Variants in ADAM32 observed in about 807,000 individuals in gnomAD.
ADAM32 encodes ADAM metallopeptidase domain 32.
A neutral mutation model predicts 114.9 loss-of-function variants in ADAM32; 89 were observed. That is an observed-to-expected ratio of 0.77 (90% confidence interval 0.65 to 0.92). The LOEUF (loss-of-function observed/expected upper bound fraction) is 0.92, where lower values mean the gene tolerates loss of function less well. Among genes scored for constraint, ADAM32 ranks in the 40% least tolerant of loss-of-function variants. The probability of loss-of-function intolerance (pLI) is 0.00; values close to 1 mark genes in which losing one functional copy is unlikely to be tolerated. For missense variants in ADAM32, 870 were observed against 932.8 expected (o/e 0.93, Z 0.88); for synonymous variants, 285 against 307.5 (o/e 0.93, Z 0.77).
At chr8:39,204,814 T>G (rs1050151496) in intron 11 of ADAM32, among the ~76,000 whole-genome samples, 3 of 152,190 alleles carry the variant, frequency 2.0e-5, no homozygotes, top group African/African-American at 7.2e-5. Flanking sequence ...TTGGTGTGAA[T>G]GTGCTTTCTG....
At chr8:39,278,610 T>C (rs531665208) in intron 22 of ADAM32, among the ~76,000 whole-genome samples, 1 of 151,980 alleles carries the variant, frequency 6.6e-6, no homozygotes, top group South Asian at 2.1e-4. Flanking sequence ...TTCTTCCAGG[T>C]TTTTACCTAC....
At chr8:39,156,137 T>A (rs1020126799) in intron 6 of ADAM32, among the ~76,000 whole-genome samples, 1 of 152,138 alleles carries the variant, frequency 6.6e-6, no homozygotes, top group African/African-American at 2.4e-5. Context: ...AACAAAAATA[T>A]AATAATAGTA....
At chr8:39,239,574 C>G (rs535753575) in intron 16 of ADAM32, among the ~76,000 whole-genome samples, 1 of 152,252 alleles carries the variant, frequency 6.6e-6, no homozygotes, top group East Asian at 1.9e-4. Context: ...TACCTCACAT[C>G]TCAATACTAA....
intron 11 of ADAM32, among the ~76,000 whole-genome samples, chr8:39,195,670 G>A (rs569975110): frequency 1.5e-4 from 21 of 141,364 alleles, no homozygotes; most frequent in Non-Finnish European, 3.1e-4. Context: ...CCCAGCACAC[G>A]TATATGTTCT....
chr8:39,124,425 T>A (rs1484302342), intron 2 of ADAM32, among the ~76,000 whole-genome samples: 1 of 151,608 alleles, frequency 6.6e-6, no homozygotes, highest in Non-Finnish European at 1.5e-5. Context: ...TTTTTTTTTT[T>A]TTTTATTTTT....
At chr8:39,227,005 G>A (rs530553667) in intron 14 of ADAM32, among the ~76,000 whole-genome samples, 15 of 152,286 alleles carry the variant, frequency 9.8e-5, no homozygotes, top group African/African-American at 2.6e-4. Context: ...TCATCATGGC[G>A]GATGGGAGGC....
chr8:39,212,360 T>C (rs539172842), intron 12 of ADAM32, among the ~76,000 whole-genome samples: 49 of 152,296 alleles, frequency 3.2e-4, no homozygotes, highest in African/African-American at 1.2e-3. Flanking sequence ...ATAATCCACA[T>C]ACAATAAAAT....
chr8:39,157,980 C>T (rs1374097163), intron 6 of ADAM32: 7 of 317,894 alleles, frequency 2.2e-5, no homozygotes, highest in African/African-American at 8.6e-5. Context: ...AGGCAACCTT[C>T]CACAGCCCTC....
chr8:39,191,217 C>T (rs1404922838), intron 11 of ADAM32, among the ~76,000 whole-genome samples: 1 of 152,126 alleles, frequency 6.6e-6, no homozygotes, highest in Non-Finnish European at 1.5e-5. Flanking sequence ...TGAACATATA[C>T]ATGCGTGAGT....
intron 14 of ADAM32, among the ~76,000 whole-genome samples, chr8:39,229,903 A>G (rs955196338): frequency 2.0e-5 from 3 of 152,196 alleles, no homozygotes; most frequent in East Asian, 3.8e-4. Flanking sequence ...ATTCTATTTA[A>G]CAATGCATGG....
chr8:39,242,896 C>T (rs916577890), intron 16 of ADAM32, among the ~76,000 whole-genome samples: 1 of 151,998 alleles, frequency 6.6e-6, no homozygotes, highest in East Asian at 1.9e-4. Flanking sequence ...GTGATATTAA[C>T]CAAGAAAAGA....
intron 12 of ADAM32, among the ~76,000 whole-genome samples, chr8:39,217,289 T>TCGGAAA (rs1808644230): frequency 6.6e-6 from 1 of 152,072 alleles, no homozygotes; most frequent in African/African-American, 2.4e-5. Context: ...GCTTTTAGGA[T>TCGGAAA]CCTTTATCTT....
intron 10 of ADAM32, among the ~76,000 whole-genome samples, chr8:39,174,235 CTTGT>C (rs1805372790): frequency 1.3e-5 from 2 of 152,166 alleles, no homozygotes; most frequent in Admixed American, 1.3e-4. Context: ...TTCCCCATTG[CTTGT>C]TTGTGTCAGA....
At chr8:39,274,201 A>G (rs1025409002) in intron 20 of ADAM32, 111 bp from the exon 21 acceptor site, 28 of 992,882 alleles carry the variant, frequency 2.8e-5, no homozygotes, top group Non-Finnish European at 4.0e-5. Context: ...TTTATTAGTA[A>G]TTAGTCTTTT....
chr8:39,119,803 T>A (rs928349190), intron 2 of ADAM32, among the ~76,000 whole-genome samples: 1 of 152,202 alleles, frequency 6.6e-6, no homozygotes, highest in Non-Finnish European at 1.5e-5. Flanking sequence ...AAAATTCATA[T>A]GTTGAATCCC....
chr8:39,127,710 C>T lies in ADAM32; in HGVS notation c.139-8947C>T, dbSNP rs373886631. Among the ~76,000 whole-genome samples, 19 of 151,416 alleles carry T rather than the reference C, an allele frequency of 1.3e-4. 1 individual carries two copies. The highest frequency in any genetic ancestry group is 1.2e-3 in the East Asian group (6 of 5,178). On this transcript the variant is annotated intron_variant, in intron 2 of 24. Coordinates refer to ENST00000379907, the MANE Select transcript of ADAM32 (RefSeq NM_145004.7). ...TGCCCTGATTTTGGTTATTTCTTGT[C>T]TTCTTCTAGCTTTGGGGTTTGTTTG...
At position 39,254,524 on chromosome 8, in the gene ADAM32, T is replaced by C; in HGVS notation, c.2005+8T>C. 1 of 1,544,250 alleles carries C rather than the reference T, an allele frequency of 6.5e-7. No homozygotes were observed. The highest frequency in any genetic ancestry group is 1.2e-5 in the South Asian group (1 of 81,354). On this transcript the variant is annotated splice_region_variant and intron_variant, in intron 18 of 24. Coordinates refer to ENST00000379907, the MANE Select transcript of ADAM32 (RefSeq NM_145004.7). ...TTCCTGAGGAAGATATGGGCAAGTA[T>C]TTGTCTCTTTAAATACCCATTTAAT...
intron 21 of ADAM32, among the ~76,000 whole-genome samples, chr8:39,275,093 C>T (rs140443875): frequency 7.2e-5 from 11 of 152,312 alleles, no homozygotes; most frequent in East Asian, 1.9e-4. Context: ...GAAGCAATTT[C>T]CCTGATGCAT....
chr8:39,123,861 G>A (rs1320322228), intron 2 of ADAM32, among the ~76,000 whole-genome samples: 2 of 151,670 alleles, frequency 1.3e-5, no homozygotes, highest in African/African-American at 4.8e-5. Context: ...CACACGCCAT[G>A]ACACCCAGCT....
Sources: gnomAD v4.1 joint callset for allele counts (sites outside exome capture counted in the v4.1 genomes callset) on GRCh38, gnomAD v4.1.1 for gene constraint, MANE v1.5 for transcripts, NCBI Gene and HGNC (gene_info 2026-07-23, HGNC 2026-07-21) for gene names.